DIS3L2: variants seen among roughly 807,000 people sequenced by gnomAD.
DIS3L2 encodes DIS3-like exonuclease 2.
In DIS3L2, 34 loss-of-function variants were observed where a neutral mutation model predicts 97.5. The ratio of observed to expected loss-of-function variants is 0.35; its 90% CI spans 0.27 to 0.46. DIS3L2 has a LOEUF of 0.46. DIS3L2 is among the 20% of genes least tolerant of loss of function. The pLI, the probability that DIS3L2 is intolerant of heterozygous loss-of-function variation, is 1.00. For synonymous variants in DIS3L2, 435 were observed against 445.2 expected, an observed-to-expected ratio of 0.98 and a Z score of 0.29; for missense variants, 1,038 against 1,146.0, an observed-to-expected ratio of 0.91 and a Z score of 1.36.
intron 3 of DIS3L2, among the ~76,000 whole-genome samples, chr2:232,018,279 C>A (rs1694410971): frequency 1.8e-5 from 1 of 55,110 alleles, no homozygotes; most frequent in Admixed American, 1.9e-4. Context: ...AAACAAAAAT[C>A]TGATCAATAT....
chr2:232,329,785 T>TGCCGGGGGGGCCCCCC, intron 14 of DIS3L2, 28 bp from the exon 15 acceptor site: 7 of 967,140 alleles, frequency 7.2e-6, no homozygotes, highest in East Asian at 3.1e-5. Context: ...ACCCCAGCGG[T>TGCCGGGGGGGCCCCCC]CCCTCCCATC....
exon 14 of DIS3L2, chr2:232,343,507 C>T (rs775137576): frequency 7.7e-6 from 12 of 1,557,682 alleles, no homozygotes; most frequent in East Asian, 7.3e-5. Flanking sequence ...GCAACAGAGC[C>T]GTGTATTGGA....
chr2:232,284,907 C>T (rs1694386480), intron 13 of DIS3L2, among the ~76,000 whole-genome samples: 1 of 152,160 alleles, frequency 6.6e-6, no homozygotes, highest in South Asian at 2.1e-4. Context: ...AGAGAGAATG[C>T]TTAGCAGGTG....
At chr2:232,079,261 G>A (rs1300766139) in intron 5 of DIS3L2, among the ~76,000 whole-genome samples, 4 of 152,102 alleles carry the variant, frequency 2.6e-5, no homozygotes, top group African/African-American at 4.8e-5. Flanking sequence ...AAGTAAATAA[G>A]GAGATATATA....
intron 13 of DIS3L2, among the ~76,000 whole-genome samples, chr2:232,272,891 C>T (rs1336934972): frequency 6.6e-6 from 1 of 152,124 alleles, no homozygotes; most frequent in Non-Finnish European, 1.5e-5. Context: ...CAGTGCAGAT[C>T]CTCAGAAGAA....
chr2:232,224,767 G>A (rs953657856), intron 10 of DIS3L2, among the ~76,000 whole-genome samples: 1 of 151,820 alleles, frequency 6.6e-6, no homozygotes, highest in Admixed American at 6.6e-5. Context: ...TGACCTGGGA[G>A]GTGGAGGTTG....
At chr2:232,272,044 T>C (rs1694019743) in intron 13 of DIS3L2, among the ~76,000 whole-genome samples, 1 of 152,212 alleles carries the variant, frequency 6.6e-6, no homozygotes, top group African/African-American at 2.4e-5. Context: ...AAAACTAATA[T>C]GTGTCATTAA....
At chr2:232,296,401 GT>G (rs1694726665) in intron 13 of DIS3L2, among the ~76,000 whole-genome samples, 1 of 152,198 alleles carries the variant, frequency 6.6e-6, no homozygotes, top group Non-Finnish European at 1.5e-5. Flanking sequence ...AATTTAAGTG[GT>G]TTTTGTCAGG....
At chr2:232,329,785 T>TCCCGGGGGGGGGCCCC in intron 14 of DIS3L2, 28 bp from the exon 15 acceptor site, 67 of 967,088 alleles carry the variant, frequency 6.9e-5, no homozygotes, top group East Asian at 1.2e-4. Flanking sequence ...ACCCCAGCGG[T>TCCCGGGGGGGGGCCCC]CCCTCCCATC....
chr2:232,270,860 G>GTCTCTCTCTCCC (rs1693972226), intron 13 of DIS3L2, among the ~76,000 whole-genome samples: 2 of 103,818 alleles, frequency 1.9e-5, no homozygotes, highest in Admixed American at 1.9e-4. Flanking sequence ...TCTTTTTCTC[G>GTCTCTCTCTCCC]TCTCTCTCTC....
At chr2:232,100,981 A>G (rs574739682) in intron 6 of DIS3L2, among the ~76,000 whole-genome samples, 49 of 152,258 alleles carry the variant, frequency 3.2e-4, no homozygotes, top group African/African-American at 1.1e-3. Context: ...CACGCCTGTA[A>G]TGCCAGCACT....
chr2:232,015,089 T>A (rs79766624), intron 2 of DIS3L2, 110 bp downstream of exon 2: 4 of 1,015,094 alleles, frequency 3.9e-6, no homozygotes, highest in Non-Finnish European at 5.9e-6. Flanking sequence ...TATAATTCTT[T>A]TAGTGACCTG....
chr2:232,051,880 A>C (rs1695418589), intron 5 of DIS3L2, among the ~76,000 whole-genome samples: 1 of 151,412 alleles, frequency 6.6e-6, no homozygotes, highest in African/African-American at 2.4e-5. Context: ...GCAATGAATC[A>C]AGTCAGCTCT....
chr2:232,130,598 C>G (rs775315695), intron 6 of DIS3L2, 21 bp from the exon 7 acceptor site: 1 of 1,603,440 alleles, frequency 6.2e-7, no homozygotes, highest in South Asian at 1.1e-5. Flanking sequence ...CTCCTCTTCT[C>G]TCTTTATCTT....
chr2:232,169,856 T>C (rs1690933226), intron 9 of DIS3L2, among the ~76,000 whole-genome samples: 1 of 152,204 alleles, frequency 6.6e-6, no homozygotes, highest in African/African-American at 2.4e-5. Context: ...TTCCAGTTTT[T>C]TGGTCCAATG....
intron 9 of DIS3L2, among the ~76,000 whole-genome samples, chr2:232,187,209 C>T (rs1407303572): frequency 6.6e-6 from 1 of 151,958 alleles, no homozygotes; most frequent in Non-Finnish European, 1.5e-5. Flanking sequence ...AATGAGATAC[C>T]ACTGTACATT....
chr2:231,987,980 A>T (rs1471466455), intron 1 of DIS3L2, among the ~76,000 whole-genome samples: 2 of 152,054 alleles, frequency 1.3e-5, no homozygotes, highest in Non-Finnish European at 2.9e-5. Flanking sequence ...AGTAGCTGGG[A>T]TTAAAAGCAT....
At chr2:232,047,332 G>A (rs1695269394) in intron 5 of DIS3L2, among the ~76,000 whole-genome samples, 1 of 152,184 alleles carries the variant, frequency 6.6e-6, no homozygotes, top group Non-Finnish European at 1.5e-5. Context: ...TTCTGTAGTT[G>A]ATAGTGTAAA....
chr2:231,963,711 T>C (rs1692630320), intron 1 of DIS3L2, among the ~76,000 whole-genome samples: 1 of 152,120 alleles, frequency 6.6e-6, no homozygotes, highest in East Asian at 1.9e-4. Flanking sequence ...CTAGGATTTT[T>C]ATAGCTTGAG....
Sources: allele counts gnomAD v4.1 joint callset (sites outside exome capture counted in the v4.1 genomes callset), GRCh38; gene constraint gnomAD v4.1.1; transcripts MANE v1.5; gene names NCBI Gene and HGNC (gene_info 2026-07-23, HGNC 2026-07-21).